Variants in KCNS3 observed in about 807,000 individuals in gnomAD.
KCNS3 encodes potassium voltage-gated channel modifier subfamily S member 3.
A neutral mutation model predicts 31.0 loss-of-function variants in KCNS3; 13 were observed. That is an observed-to-expected ratio of 0.42 (90% CI 0.27 to 0.67). KCNS3 has a LOEUF of 0.67. Among genes scored for constraint, KCNS3 ranks in the 30% least tolerant of loss-of-function variants. KCNS3 has a pLI of 0.25. For synonymous variants in KCNS3, 238 were observed against 241.5 expected (o/e 0.99, Z 0.13); for missense variants, 545 against 622.4 (o/e 0.88, Z 1.32).
In KCNS3 at chr2:17,878,807, G is replaced by A. The variant is rs1286190070; in HGVS notation, c.-252+1G>A. ...GCTGGATGCGTCCGGACTCCTGCAG[G>A]TACCTGGCTGGCGTCCCCACCTCCC... On this transcript the variant is annotated splice_donor_variant, in intron 1 of 2. Transcript: ENST00000304101. LOFTEE classifies it low-confidence loss of function (5UTR_SPLICE). The A allele has an allele frequency of 6.6e-6, 1 of 152,244 alleles. No individual in the cohort carries two copies. 9.4% of individuals were successfully genotyped at this position (152,244 alleles called of 1,614,324 possible).
Position 17,931,570 on chromosome 2 carries a change from G to T in KCNS3, c.562G>T (p.Ala188Ser), listed in dbSNP as rs142972265. The stretch of plus-strand genomic sequence containing the variant: ...GTACTGCCTGTCCGCTAAGCTTATC[G>T]CTATCTCCTCCTTGAGCGTGGTGCT... ...PAYCLSAKLIAISSLSVVLAS... is the reference protein window; with the variant it reads ...PAYCLSAKLISISSLSVVLAS... Residue 188 changes from alanine to serine, a missense_variant, in exon 3 of 3, where the codon GCT becomes TCT. Transcript: ENST00000304101. The surrounding 1 kb of genome is among the most constrained non-coding windows in gnomAD (Gnocchi z 5.4). 4 of 1,614,132 alleles carry T rather than the reference G, an allele frequency of 2.5e-6. No individual in the cohort carries two copies. The highest frequency in any genetic ancestry group is 1.6e-4 in the Middle Eastern group (1 of 6,062).
At chr2:17,930,752 A>G (rs1308101526) in intron 2 of KCNS3, among the ~76,000 whole-genome samples, 198 bp from the exon 3 acceptor site, 4 of 152,208 alleles carry the variant, frequency 2.6e-5, no homozygotes, top group Non-Finnish European at 5.9e-5. Context: ...ATGGGTTCCC[A>G]AAATCCTAAG....
In KCNS3 at chr2:17,917,761, C is replaced by G. The variant is rs1440048728; in HGVS notation, c.-170C>G. The G allele has an allele frequency of 1.3e-5, 2 of 152,672 alleles. No homozygotes were observed. Among genetic ancestry groups the G allele is most frequent in the African/African-American group, 4.8e-5 (2 of 41,446 alleles). The allele number at this position is 152,672 out of a possible 1,614,324, so 9.5% of individuals were successfully genotyped here. On this transcript the variant is annotated 5_prime_UTR_variant, in exon 2 of 3. Coordinates refer to ENST00000304101, the MANE Select transcript of KCNS3 (RefSeq NM_002252.5). ...TCCCTTCTTTTTGGCCACCAAATGCCTATGTGCACCACACATTCCAGTGTG... is the reference window on the plus strand; with the variant it reads ...TCCCTTCTTTTTGGCCACCAAATGCGTATGTGCACCACACATTCCAGTGTG...
intron 1 of KCNS3, among the ~76,000 whole-genome samples, chr2:17,907,470 A>G (rs1299387157): frequency 1.3e-5 from 2 of 152,166 alleles, no homozygotes; most frequent in Admixed American, 1.3e-4. Context: ...TTTAAGGTTA[A>G]TATTGTTATG....
chr2:17,922,125 T>C (rs2125251324), intron 2 of KCNS3, among the ~76,000 whole-genome samples: 1 of 151,190 alleles, frequency 6.6e-6, no homozygotes, highest in African/African-American at 2.4e-5. Context: ...TTATTGACCA[T>C]ATTCCTCTAA....
At chr2:17,889,994 G>A (rs1661807610) in intron 1 of KCNS3, among the ~76,000 whole-genome samples, 1 of 152,126 alleles carries the variant, frequency 6.6e-6, no homozygotes, top group Admixed American at 6.5e-5. Context: ...AGTGTCAAAA[G>A]GATTGGTATC....
intron 1 of KCNS3, among the ~76,000 whole-genome samples, chr2:17,903,956 C>G (rs1336866354): frequency 6.6e-6 from 1 of 152,106 alleles, no homozygotes; most frequent in Non-Finnish European, 1.5e-5. Context: ...GATTTATAAT[C>G]CTTTGGGTAT....
chr2:17,911,281 C>A (rs1662465717), intron 1 of KCNS3, among the ~76,000 whole-genome samples: 1 of 152,150 alleles, frequency 6.6e-6, no homozygotes, highest in Non-Finnish European at 1.5e-5. Flanking sequence ...TCCATGTTAT[C>A]TTTTGTCCTT....
chr2:17,901,946 G>T (rs930316192), intron 1 of KCNS3, among the ~76,000 whole-genome samples: 11 of 152,080 alleles, frequency 7.2e-5, no homozygotes, highest in African/African-American at 2.7e-4. Context: ...AGTTACAGTG[G>T]CCAGGTGTCC....
intron 2 of KCNS3, among the ~76,000 whole-genome samples, chr2:17,928,090 A>G (rs1344208088): frequency 6.6e-6 from 1 of 152,130 alleles, no homozygotes; most frequent in Non-Finnish European, 1.5e-5. Flanking sequence ...TTAGAGTTTG[A>G]CCCTTTTTGT....
In KCNS3 at chr2:17,888,585, G is replaced by A. The variant is rs993806401; in HGVS notation, c.-252+9779G>A. On this transcript the variant is annotated intron_variant, in intron 1 of 2. Coordinates refer to ENST00000304101, the MANE Select transcript of KCNS3 (RefSeq NM_002252.5). ...GTATACATATGTAACAAACCTGCAC[G>A]TTGTGCACATGTACCCTAGAACTTA... 8.1e-5 allele frequency among the ~76,000 whole-genome samples: 11 copies of A among 136,260 alleles called. No individual in the cohort carries two copies. The East Asian group carries it at 8.7e-4, about 11-fold the overall frequency. 89.4% of individuals were successfully genotyped at this position (136,260 alleles called of 152,430 possible).
In KCNS3 at chr2:17,932,535, C is replaced by T; in HGVS notation, c.*51C>T. 1 of 1,548,972 alleles carries T rather than the reference C, an allele frequency of 6.5e-7. No homozygotes were observed. Among genetic ancestry groups the T allele is most frequent in the South Asian group, 1.3e-5 (1 of 78,464 alleles). On this transcript the variant is annotated 3_prime_UTR_variant, in exon 3 of 3. Coordinates refer to ENST00000304101, the MANE Select transcript of KCNS3 (RefSeq NM_002252.5). ...TTATCCTTTCCCGACATTAGGTTAA[C>T]ACAGCTTTATAAACCTCAGTGGGTT...
Position 17,932,589 on chromosome 2 carries a change from A to G in KCNS3, c.*105A>G. 8.2e-7 allele frequency: 1 copy of G among 1,223,884 alleles called. No homozygotes were observed. The highest frequency in any genetic ancestry group is 1.1e-6 in the Non-Finnish European group (1 of 878,958). 75.8% of individuals were successfully genotyped at this position (1,223,884 alleles called of 1,614,324 possible). A position where few individuals can be genotyped will look rare whatever the true frequency, so the allele number is the denominator to read the frequency against. ...TAAAATCATTTAATTCTCAGGGTGT[A>G]CCTTTCAGCCATAGTTGGACATTCA... On this transcript the variant is annotated 3_prime_UTR_variant, in exon 3 of 3. Coordinates refer to ENST00000304101, the MANE Select transcript of KCNS3 (RefSeq NM_002252.5).
intron 1 of KCNS3, among the ~76,000 whole-genome samples, chr2:17,884,701 G>A (rs1041560637): frequency 2.0e-5 from 3 of 152,274 alleles, no homozygotes; most frequent in African/African-American, 7.2e-5. Context: ...GCTGAGGTTA[G>A]GGATGTGAGT....
intron 2 of KCNS3, chr2:17,919,663 T>TACAACA (rs1662669996): frequency 1.3e-5 from 2 of 152,296 alleles, no homozygotes; most frequent in Non-Finnish European, 2.9e-5. Context: ...TGGACCTGTG[T>TACAACA]CATTCATGTG....
At chr2:17,878,535 C>A (rs1425117066), upstream of KCNS3, 4 of 150,794 alleles carry the variant, frequency 2.7e-5, no homozygotes, top group Non-Finnish European at 4.4e-5. Context: ...GGCTGCGGGC[C>A]CGAAGCGAGG....
At chr2:17,888,410 A>G (rs1395702279) in intron 1 of KCNS3, among the ~76,000 whole-genome samples, 6 of 151,658 alleles carry the variant, frequency 4.0e-5, no homozygotes, top group African/African-American at 1.5e-4. Context: ...ATGAGGATCC[A>G]ATTTCATTCT....
intron 1 of KCNS3, among the ~76,000 whole-genome samples, chr2:17,911,391 C>A (rs1389061091): frequency 5.3e-5 from 8 of 152,212 alleles, no homozygotes; most frequent in Non-Finnish European, 1.2e-4. Context: ...GATCCTTTCT[C>A]ATGTGAATCT....
chr2:17,921,362 G>A lies in KCNS3; in HGVS notation c.-60+3491G>A, dbSNP rs115808839. The stretch of plus-strand genomic sequence containing the variant: ...TTATGAAATCAATCCCCAATGTTGT[G>A]TAATTTTATCAATAAATATTTTAGT... On this transcript the variant is annotated intron_variant, in intron 2 of 2. Transcript: ENST00000304101. Among the ~76,000 whole-genome samples, 610 of 152,096 alleles carry A rather than the reference G, an allele frequency of 4.0e-3. 4 individuals carry two copies. The highest frequency in any genetic ancestry group is 6.9e-3 in the Non-Finnish European group (471 of 67,990).
Sources: allele counts gnomAD v4.1 joint callset (sites outside exome capture counted in the v4.1 genomes callset), GRCh38; gene constraint gnomAD v4.1.1; non-coding constraint Gnocchi (gnomAD v3.1); transcripts MANE v1.5; gene names NCBI Gene and HGNC (gene_info 2026-07-23, HGNC 2026-07-21).